SPAG16: variants seen among roughly 807,000 people sequenced by gnomAD.
SPAG16 encodes sperm associated antigen 16.
In SPAG16, 86 loss-of-function variants were observed where a neutral mutation model predicts 80.4. The observed-to-expected ratio is 1.07, with a 90% CI of 0.90 to 1.28. The LOEUF (loss-of-function observed/expected upper bound fraction) is 1.28. SPAG16 is among the 50% of genes most tolerant of loss of function. The pLI is 0.00. For synonymous variants in SPAG16, 294 were observed against 265.9 expected (o/e 1.11, Z -1.03); for missense variants, 870 against 765.3 (o/e 1.14, Z -1.61).
intron 10 of SPAG16, among the ~76,000 whole-genome samples, chr2:213,778,568 C>T (rs1485412853): frequency 6.6e-6 from 1 of 152,084 alleles, no homozygotes; most frequent in Non-Finnish European, 1.5e-5. Context: ...TTTGTCATAA[C>T]TCTCAGTACC....
intron 9 of SPAG16, among the ~76,000 whole-genome samples, chr2:213,418,220 T>C (rs886893348): frequency 1.4e-4 from 21 of 152,194 alleles, no homozygotes; most frequent in African/African-American, 5.1e-4. Flanking sequence ...GCATACATGG[T>C]ATTTATAGAT....
At chr2:213,555,787 A>G (rs1229042728) in intron 10 of SPAG16, among the ~76,000 whole-genome samples, 1 of 152,216 alleles carries the variant, frequency 6.6e-6, no homozygotes, top group East Asian at 1.9e-4. Flanking sequence ...AAGTAAGTAA[A>G]CAATCAAATT....
intron 10 of SPAG16, among the ~76,000 whole-genome samples, chr2:213,676,868 G>C (rs2064107976): frequency 6.6e-6 from 1 of 151,076 alleles, no homozygotes; most frequent in South Asian, 2.1e-4. Flanking sequence ...TCTCTGCCCA[G>C]CTTTGGTATC....
chr2:214,092,778 G>A (rs990755164), intron 13 of SPAG16, among the ~76,000 whole-genome samples: 8 of 152,042 alleles, frequency 5.3e-5, no homozygotes, highest in African/African-American at 1.4e-4. Flanking sequence ...AGTAGGGTCC[G>A]TGTTGAGCTC....
At position 213,317,215 on chromosome 2, in the gene SPAG16, C is replaced by G; in HGVS notation, c.399-4C>G. 2 of 1,548,750 alleles carry G rather than the reference C, an allele frequency of 1.3e-6. No homozygotes were observed. The highest frequency in any genetic ancestry group is 1.7e-6 in the Non-Finnish European group (2 of 1,143,912). The stretch of plus-strand genomic sequence containing the variant: ...ATAAACCCTTTTGTTTGATTTTATC[C>G]TAGGTATGAGTTAATACAGAAAGGA... On this transcript the variant is annotated splice_polypyrimidine_tract_variant and splice_region_variant and intron_variant, in intron 4 of 15. Transcript: ENST00000331683.
intron 10 of SPAG16, among the ~76,000 whole-genome samples, chr2:213,545,887 C>T (rs1041495630): frequency 6.6e-6 from 1 of 152,154 alleles, no homozygotes; most frequent in Admixed American, 6.5e-5. Context: ...TAGAGAATCA[C>T]CTTCCATATA....
At chr2:213,961,286 G>A (rs934100772) in intron 12 of SPAG16, among the ~76,000 whole-genome samples, 3 of 151,998 alleles carry the variant, frequency 2.0e-5, no homozygotes, top group Non-Finnish European at 2.9e-5. Flanking sequence ...TTGTTTATTA[G>A]TTTTTACAGT....
chr2:214,230,566 G>C (rs905962304), intron 15 of SPAG16, among the ~76,000 whole-genome samples: 14 of 151,918 alleles, frequency 9.2e-5, no homozygotes, highest in Non-Finnish European at 1.5e-4. Flanking sequence ...TAAATAATTG[G>C]ATATTTATAG....
chr2:213,874,261 T>C (rs1019821999), intron 11 of SPAG16, among the ~76,000 whole-genome samples: 4 of 152,174 alleles, frequency 2.6e-5, no homozygotes, highest in Admixed American at 6.5e-5. Context: ...TTTTCTTCAA[T>C]AATAAATCAA....
chr2:214,332,183 T>C (rs1696964162), intron 15 of SPAG16, among the ~76,000 whole-genome samples: 1 of 151,964 alleles, frequency 6.6e-6, no homozygotes, highest in Non-Finnish European at 1.5e-5. Context: ...ACCTGGGAGG[T>C]GGAGGTTGCA....
At chr2:214,270,053 T>C (rs548872742) in intron 15 of SPAG16, among the ~76,000 whole-genome samples, 2 of 152,308 alleles carry the variant, frequency 1.3e-5, no homozygotes, top group African/African-American at 4.8e-5. Context: ...TTGTCTCCTA[T>C]TGGAGTCTTA....
chr2:214,250,755 TATAGAGAG>T (rs1384564301), intron 15 of SPAG16, among the ~76,000 whole-genome samples: 37 of 96,692 alleles, frequency 3.8e-4, no homozygotes, highest in African/African-American at 7.7e-4. Context: ...TATATATATA[TATAGAGAG>T]AGAGAGAGAG....
intron 15 of SPAG16, among the ~76,000 whole-genome samples, chr2:214,289,674 C>A (rs556907034): frequency 2.4e-4 from 36 of 152,292 alleles, no homozygotes; most frequent in Non-Finnish European, 4.1e-4. Flanking sequence ...AAGTCTTCAG[C>A]TTTGTTCCTT....
chr2:213,881,162 A>G (rs1156527684), intron 11 of SPAG16, among the ~76,000 whole-genome samples: 3 of 152,076 alleles, frequency 2.0e-5, no homozygotes, highest in Admixed American at 6.5e-5. Context: ...AGTTCTCTTT[A>G]TAGAGATATC....
intron 11 of SPAG16, among the ~76,000 whole-genome samples, chr2:213,904,730 C>T (rs1217538440): frequency 1.3e-5 from 2 of 151,586 alleles, no homozygotes; most frequent in Non-Finnish European, 1.5e-5. Flanking sequence ...GGGGCCTTGT[C>T]ATTGGTTTTC....
intron 10 of SPAG16, among the ~76,000 whole-genome samples, chr2:213,528,177 T>C (rs1196812170): frequency 6.6e-6 from 1 of 152,122 alleles, no homozygotes; most frequent in African/African-American, 2.4e-5. Context: ...GGCCAAAGGG[T>C]ACTAAATAGA....
At position 214,176,519 on chromosome 2, in the gene SPAG16, C is replaced by T. The variant is rs2057085353; in HGVS notation, c.1720+27253C>T. 2.0e-5 allele frequency among the ~76,000 whole-genome samples: 3 copies of T among 151,238 alleles called. No homozygotes were observed. In the Admixed American group the frequency reaches 2.0e-4, roughly 10 times the overall value. The stretch of plus-strand genomic sequence containing the variant: ...AAAGATTTATTTTAACAAATGGCTG[C>T]TCTGTCTATGCACAAAGAAAATGAA... On this transcript the variant is annotated intron_variant, in intron 15 of 15. Transcript: ENST00000331683.
At chr2:213,770,549 A>G (rs1473053736) in intron 10 of SPAG16, among the ~76,000 whole-genome samples, 5 of 152,146 alleles carry the variant, frequency 3.3e-5, no homozygotes, top group Non-Finnish European at 7.4e-5. Context: ...TGCTGCACCT[A>G]TCAATCCATC....
intron 10 of SPAG16, among the ~76,000 whole-genome samples, chr2:213,718,685 T>G (rs560987022): frequency 1.3e-5 from 2 of 152,324 alleles, no homozygotes; most frequent in South Asian, 2.1e-4. Flanking sequence ...CTGGCCCACC[T>G]GCGCTGTGCT....
Sources: allele counts gnomAD v4.1 joint callset (sites outside exome capture counted in the v4.1 genomes callset), GRCh38; gene constraint gnomAD v4.1.1; transcripts MANE v1.5; gene names NCBI Gene and HGNC (gene_info 2026-07-23, HGNC 2026-07-21).